Variants in AK7 observed in about 807,000 individuals in gnomAD.
AK7 encodes adenylate kinase 7.
AK7 carries 78 observed loss-of-function variants against 96.6 expected under a neutral mutation model. The observed-to-expected ratio is 0.81, with a 90% CI of 0.67 to 0.97. AK7 has a LOEUF of 0.97. AK7 is among the 50% of genes least tolerant of loss of function. AK7 has a pLI of 0.00. For synonymous variants in AK7, 302 were observed against 317.2 expected, an observed-to-expected ratio of 0.95 and a Z score of 0.51; for missense variants, 855 against 887.9, an observed-to-expected ratio of 0.96 and a Z score of 0.47.
In AK7 at chr14:96,467,424, T is replaced by G. The variant is rs1894630487; in HGVS notation, c.1358-4054T>G. Among the ~76,000 whole-genome samples, 4 of 151,896 alleles carry G rather than the reference T, an allele frequency of 2.6e-5. No homozygotes were observed. The South Asian group carries it at 8.3e-4, about 32-fold the overall frequency. On this transcript the variant is annotated intron_variant, in intron 12 of 17. Transcript: ENST00000267584. Reference sequence around the variant, plus strand: ...AATCTCGGCTCACTGCAACCTCTGCTTCCCAGGTTCAGGCAATTCTCCTGC... The same window carrying G: ...AATCTCGGCTCACTGCAACCTCTGCGTCCCAGGTTCAGGCAATTCTCCTGC...
At position 96,449,899 on chromosome 14, in the gene AK7, T is replaced by TC. The variant is rs906040396; in HGVS notation, c.948+20_948+21insC. ...TTAACGGTTAGTATATGCGGTGTTT[T>TC]TTTTTTTTTAACTATCTTTCTCAAT... On this transcript the variant is annotated intron_variant, in intron 9 of 17. Coordinates refer to ENST00000267584, the MANE Select transcript of AK7 (RefSeq NM_152327.5). The TC allele has an allele frequency of 5.9e-6, 9 of 1,530,102 alleles. No homozygotes were observed. The highest frequency in any genetic ancestry group is 4.0e-5 in the Admixed American group (2 of 49,586). 94.8% of individuals were successfully genotyped at this position (1,530,102 alleles called of 1,614,324 possible). A position where few individuals can be genotyped will look rare whatever the true frequency, so the allele number is the denominator to read the frequency against.
chr14:96,420,235 G>A (rs1228559594), intron 4 of AK7, among the ~76,000 whole-genome samples: 5 of 151,700 alleles, frequency 3.3e-5, no homozygotes, highest in African/African-American at 9.7e-5. Context: ...GGTGGTTCAC[G>A]CCTGTAATCC....
At chr14:96,412,088 C>A (rs898613240) in intron 4 of AK7, among the ~76,000 whole-genome samples, 1 of 152,174 alleles carries the variant, frequency 6.6e-6, no homozygotes, top group Non-Finnish European at 1.5e-5. Flanking sequence ...TTTCCTCTGC[C>A]AGATTTACCA....
In AK7 at chr14:96,465,104, G is replaced by T. The variant is rs186103103; in HGVS notation, c.1358-6374G>T. Among the ~76,000 whole-genome samples the T allele has an allele frequency of 2.6e-3, 399 of 152,330 alleles. 4 individuals are homozygous for T. In the Middle Eastern group the frequency reaches 0.031, roughly 12 times the overall value. ...CGACTATTACACAACAATTCAGTGA[G>T]TTTACTTGCTTTCAAGAATAATGCA... On this transcript the variant is annotated intron_variant, in intron 12 of 17. Transcript: ENST00000267584.
chr14:96,425,203 C>A (rs1017273590), intron 5 of AK7, among the ~76,000 whole-genome samples: 2 of 152,092 alleles, frequency 1.3e-5, no homozygotes, highest in Admixed American at 1.3e-4. Context: ...CAGTTAGATC[C>A]GATTATGGCC....
intron 9 of AK7, 24 bp from the exon 10 acceptor site, chr14:96,451,397 C>T: frequency 6.6e-7 from 1 of 1,524,664 alleles, no homozygotes; most frequent in Non-Finnish European, 8.8e-7. Context: ...AAAGACAAAT[C>T]TCTAATTGTC....
Position 96,486,958 on chromosome 14 carries a change from C to A in AK7, c.2035C>A (p.Pro679Thr). Reference protein sequence around the residue: ...ERELLEAQSIPLRNYLMTYVM... With the variant: ...ERELLEAQSITLRNYLMTYVM... The stretch of plus-strand genomic sequence containing the variant: ...AGAATTACTGGAGGCTCAGTCAATT[C>A]CCCTGAGAAACTATTTAATGACCTA... The change falls in exon 17 of 18, where the codon CCC (proline) becomes ACC (threonine). Residue 679 changes from proline to threonine, a missense_variant. Pro to Thr is a conservative substitution (Grantham distance 38). Transcript: ENST00000267584. 2 of 1,613,638 alleles carry A rather than the reference C, an allele frequency of 1.2e-6. No homozygotes were observed. Among genetic ancestry groups the A allele is most frequent in the Non-Finnish European group, 1.7e-6 (2 of 1,179,618 alleles).
chr14:96,442,377 G>A (rs1038061410), intron 6 of AK7, among the ~76,000 whole-genome samples: 1 of 152,212 alleles, frequency 6.6e-6, no homozygotes, highest in East Asian at 1.9e-4. Flanking sequence ...TCTTCTCTAT[G>A]TGAATGCCAT....
intron 10 of AK7, among the ~76,000 whole-genome samples, chr14:96,452,987 A>G (rs1893692920): frequency 6.6e-6 from 1 of 152,222 alleles, no homozygotes; most frequent in African/African-American, 2.4e-5. Context: ...AAGTGTTTTG[A>G]AAACTGTAAA....
intron 9 of AK7, 23 bp downstream of exon 9, chr14:96,449,902 T>TA: frequency 6.6e-7 from 1 of 1,511,526 alleles, no homozygotes; most frequent in Non-Finnish European, 9.0e-7. Context: ...GGTGTTTTTT[T>TA]TTTTTTAACT....
chr14:96,415,059 A>G (rs995661390), intron 4 of AK7, among the ~76,000 whole-genome samples: 9 of 151,924 alleles, frequency 5.9e-5, no homozygotes, highest in Non-Finnish European at 1.2e-4. Flanking sequence ...ATGGCTGAAG[A>G]TAAGGCTTTC....
At chr14:96,464,793 T>A (rs749033403) in intron 12 of AK7, among the ~76,000 whole-genome samples, 9 of 152,260 alleles carry the variant, frequency 5.9e-5, no homozygotes, top group Middle Eastern at 6.8e-3. Context: ...AAGTTCTGGG[T>A]CTTTAGTTAG....
At position 96,407,578 on chromosome 14, in the gene AK7, TTC is replaced by T. The variant is rs1491040108; in HGVS notation, c.404-1267_404-1266del. ...GCTCTGATATGTTTCTTTCTTTCTT[TTC>T]TTTTTTTTTTTTTTTTTTTGAGACA... On this transcript the variant is annotated intron_variant, in intron 3 of 17. Coordinates refer to ENST00000267584, the MANE Select transcript of AK7 (RefSeq NM_152327.5). 1.8e-3 allele frequency among the ~76,000 whole-genome samples: 205 copies of T among 115,130 alleles called. 9 individuals are homozygous for T. The highest frequency in any genetic ancestry group is 0.012 in the South Asian group (41 of 3,478). The allele number at this position is 115,130 out of a possible 152,430, so 75.5% of individuals were successfully genotyped here. A position where few individuals can be genotyped will look rare whatever the true frequency, so the allele number is the denominator to read the frequency against.
chr14:96,401,136 A>C (rs1305319187), intron 2 of AK7, among the ~76,000 whole-genome samples: 1 of 152,082 alleles, frequency 6.6e-6, no homozygotes, highest in Non-Finnish European at 1.5e-5. Flanking sequence ...CCTGAATTTG[A>C]TTCTGCGAAT....
In AK7 at chr14:96,458,166, A is replaced by G. The variant is rs150701066; in HGVS notation, c.1311A>G (p.Ala437=). Residue 437 remains alanine, a synonymous_variant, in exon 12 of 18, where the codon GCA becomes GCG. Coordinates refer to ENST00000267584, the MANE Select transcript of AK7 (RefSeq NM_152327.5). Reference sequence around the variant, plus strand: ...AGGAGGAGGAGAATGTGGAAGATGCACAGGAGCTCCTAGATGGCATCAAGG... The same window carrying G: ...AGGAGGAGGAGAATGTGGAAGATGCGCAGGAGCTCCTAGATGGCATCAAGG... ...EEEEEENVED[A]QELLDGIKES... 162 of 1,614,096 alleles carry G rather than the reference A, an allele frequency of 1.0e-4. No individual in the cohort carries two copies. The African/African-American group carries it at 1.9e-3, about 19-fold the overall frequency.
chr14:96,413,371 C>T (rs777223471), intron 4 of AK7, among the ~76,000 whole-genome samples: 1 of 152,218 alleles, frequency 6.6e-6, no homozygotes, highest in Non-Finnish European at 1.5e-5. Context: ...CTGCTCCCAA[C>T]TGGGTTTGGC....
At chr14:96,413,130 G>A (rs137917768) in intron 4 of AK7, among the ~76,000 whole-genome samples, 107 of 152,284 alleles carry the variant, frequency 7.0e-4, no homozygotes, top group African/African-American at 2.5e-3. Context: ...GTGAAAACTG[G>A]GATAGGCTGG....
At chr14:96,432,972 C>T (rs1017374956) in intron 5 of AK7, among the ~76,000 whole-genome samples, 5 of 152,094 alleles carry the variant, frequency 3.3e-5, no homozygotes, top group South Asian at 4.1e-4. Flanking sequence ...CCAGTCTGGG[C>T]GACAGAATGA....
At chr14:96,486,637 C>CTT (rs373214244) in intron 16 of AK7, among the ~76,000 whole-genome samples, 2,530 of 136,952 alleles carry the variant, frequency 0.018, 41 homozygotes, top group African/African-American at 0.049. Flanking sequence ...AGTGGCATTT[C>CTT]TTTTTTTTTT....
Sources: allele counts gnomAD v4.1 joint callset (sites outside exome capture counted in the v4.1 genomes callset), GRCh38; gene constraint gnomAD v4.1.1; transcripts MANE v1.5; gene names NCBI Gene and HGNC (gene_info 2026-07-23, HGNC 2026-07-21).